The following MCPH1 variants were observed in gnomAD, a reference collection of about 807,000 sequenced individuals.
MCPH1 encodes microcephalin 1.
A neutral mutation model predicts 84.5 loss-of-function variants in MCPH1; 104 were observed. The ratio of observed to expected loss-of-function variants is 1.23; its 90% CI spans 1.05 to 1.45. MCPH1 has a LOEUF of 1.45. Among genes scored for constraint, MCPH1 ranks in the 40% most tolerant of loss-of-function variants. The pLI is 0.00. For missense variants in MCPH1, 1,498 were observed against 1,005.7 expected (o/e 1.49, Z -6.62); for synonymous variants, 514 against 366.8 (o/e 1.40, Z -4.58).
chr8:6,497,916 A>G (rs543248769), intron 11 of MCPH1, among the ~76,000 whole-genome samples: 14 of 152,350 alleles, frequency 9.2e-5, no homozygotes, highest in Admixed American at 4.6e-4. Context: ...TACCACAATA[A>G]ACTGAAGAAG....
intron 10 of MCPH1, among the ~76,000 whole-genome samples, chr8:6,479,177 G>T (rs899282137): frequency 6.6e-6 from 1 of 152,040 alleles, no homozygotes; most frequent in African/African-American, 2.4e-5. Flanking sequence ...TAAGGCAGGA[G>T]GATCACTTGA....
intron 2 of MCPH1, 103 bp downstream of exon 2, chr8:6,409,473 C>T (rs543519975): frequency 1.6e-5 from 15 of 914,264 alleles, no homozygotes; most frequent in Admixed American, 3.7e-5. Flanking sequence ...AGAATCTGGA[C>T]GAAGCAATGG....
Position 6,592,299 on chromosome 8 carries a change from G to A in MCPH1, c.2215-29155G>A, listed in dbSNP as rs775931546. Among the ~76,000 whole-genome samples the A allele has an allele frequency of 4.6e-5, 7 of 151,812 alleles. No homozygotes were observed. In the East Asian group the frequency reaches 5.8e-4, roughly 13 times the overall value. Reference sequence around the variant, plus strand: ...CCCAAGTAGCTGGGACTACACGTGCGTGCCACCACACCCGGCTAATTATTT... The same window carrying A: ...CCCAAGTAGCTGGGACTACACGTGCATGCCACCACACCCGGCTAATTATTT... On this transcript the variant is annotated intron_variant, in intron 12 of 13. Coordinates refer to ENST00000344683, the MANE Select transcript of MCPH1 (RefSeq NM_024596.5).
intron 1 of MCPH1, among the ~76,000 whole-genome samples, chr8:6,408,282 G>C (rs1335851331): frequency 6.6e-6 from 1 of 152,014 alleles, no homozygotes; most frequent in Admixed American, 6.5e-5. Flanking sequence ...AGGCTGGAGC[G>C]CAGTGATGTG....
intron 12 of MCPH1, chr8:6,618,562 T>C (rs563125262): frequency 6.6e-6 from 1 of 152,320 alleles, no homozygotes; most frequent in South Asian, 2.1e-4. Flanking sequence ...TGTGTGTGCA[T>C]TTTACAGGAT....
At chr8:6,499,681 A>C (rs572307509) in intron 11 of MCPH1, 171 bp from the exon 12 acceptor site, 501 of 602,076 alleles carry the variant, frequency 8.3e-4, no homozygotes, top group Non-Finnish European at 1.3e-3. Context: ...ATTAATATTC[A>C]TAACATTTAT....
chr8:6,521,305 ATTTTGC>A, intron 12 of MCPH1: 1 of 1,613,718 alleles, frequency 6.2e-7, no homozygotes, highest in Non-Finnish European at 8.5e-7. Context: ...CAATGATGGA[ATTTTGC>A]TTGGATACTA....
intron 12 of MCPH1, among the ~76,000 whole-genome samples, chr8:6,568,152 G>A (rs930102912): frequency 6.6e-6 from 1 of 152,084 alleles, no homozygotes; most frequent in Non-Finnish European, 1.5e-5. Flanking sequence ...AGCCCTTTTG[G>A]CTCAGTTTGC....
intron 12 of MCPH1, among the ~76,000 whole-genome samples, chr8:6,593,036 G>A (rs1315717785): frequency 6.7e-6 from 1 of 149,712 alleles, no homozygotes; most frequent in Admixed American, 6.7e-5. Context: ...CAGTCAAATT[G>A]CTGCTTCAAG....
At chr8:6,448,618 A>G (rs1804706476) in intron 8 of MCPH1, among the ~76,000 whole-genome samples, 1 of 152,198 alleles carries the variant, frequency 6.6e-6, no homozygotes, top group Non-Finnish European at 1.5e-5. Flanking sequence ...ATTTCCTTCC[A>G]CACATTTCTT....
intron 12 of MCPH1, among the ~76,000 whole-genome samples, chr8:6,609,570 T>A (rs766612239): frequency 6.6e-6 from 1 of 152,200 alleles, no homozygotes; most frequent in Non-Finnish European, 1.5e-5. Flanking sequence ...AAAAATACAT[T>A]CCGCCTTCCT....
chr8:6,592,623 G>C lies in MCPH1; in HGVS notation c.2215-28831G>C, dbSNP rs2922858. On this transcript the variant is annotated intron_variant, in intron 12 of 13. Transcript: ENST00000344683. The stretch of plus-strand genomic sequence containing the variant: ...GCTCTCGTTTTTCTTTCTTTTTTTT[G>C]TTTTTTTTTTTTTTTTTTTTGTTGC... Among the ~76,000 whole-genome samples the C allele has an allele frequency of 5.8e-3, 452 of 77,598 alleles. 13 individuals carry two copies. The Admixed American group carries it at 0.062, about 11-fold the overall frequency. The allele number at this position is 77,598 out of a possible 152,430, so 50.9% of individuals were successfully genotyped here.
intron 5 of MCPH1, among the ~76,000 whole-genome samples, chr8:6,437,567 C>A (rs555475441): frequency 6.6e-6 from 1 of 152,292 alleles, no homozygotes; most frequent in East Asian, 1.9e-4. Flanking sequence ...TGCGACAGAA[C>A]TGGGTAGAAC....
intron 3 of MCPH1, among the ~76,000 whole-genome samples, chr8:6,417,822 G>T (rs577708971): frequency 6.6e-5 from 10 of 152,088 alleles, no homozygotes; most frequent in South Asian, 2.1e-4. Flanking sequence ...TTCTTTGATA[G>T]TGTGTCACAT....
intron 10 of MCPH1, among the ~76,000 whole-genome samples, chr8:6,478,838 C>A (rs1041959212): frequency 6.6e-6 from 1 of 151,942 alleles, no homozygotes; most frequent in African/African-American, 2.4e-5. Flanking sequence ...GTGATGAGGC[C>A]CAGATCTTGA....
At chr8:6,420,418 G>C (rs1039048166) in intron 3 of MCPH1, among the ~76,000 whole-genome samples, 9 of 152,194 alleles carry the variant, frequency 5.9e-5, no homozygotes, top group Non-Finnish European at 1.2e-4. Context: ...GTTGGAATTT[G>C]ATTATTTTTC....
At position 6,513,774 on chromosome 8, in the gene MCPH1, C is replaced by T. The variant is rs772574634; in HGVS notation, c.2214+13845C>T. On this transcript the variant is annotated intron_variant, in intron 12 of 13. Transcript: ENST00000344683. ...TTTAAGGTGTATTTTAAGCACATAGCGTTGCTGATTAGTCAGTTGCGAAAC... is the reference window on the plus strand; with the variant it reads ...TTTAAGGTGTATTTTAAGCACATAGTGTTGCTGATTAGTCAGTTGCGAAAC... The T allele has an allele frequency of 1.7e-5, 27 of 1,613,900 alleles. No individual in the cohort carries two copies. The highest frequency in any genetic ancestry group is 7.7e-5 in the South Asian group (7 of 91,042).
intron 1 of MCPH1, among the ~76,000 whole-genome samples, chr8:6,408,020 G>T (rs1308331400): frequency 1.3e-5 from 2 of 152,152 alleles, no homozygotes; most frequent in African/African-American, 4.8e-5. Flanking sequence ...TTGAGTAGTT[G>T]TGGCAAATAC....
chr8:6,555,087 G>T (rs3020229), intron 12 of MCPH1, among the ~76,000 whole-genome samples: 19,500 of 151,928 alleles, frequency 0.13, 3,488 homozygotes, highest in African/African-American at 0.4. Context: ...GTTCATACTG[G>T]TATTCTAAAC....
Sources: gnomAD v4.1 joint callset for allele counts (sites outside exome capture counted in the v4.1 genomes callset) on GRCh38, gnomAD v4.1.1 for gene constraint, MANE v1.5 for transcripts, NCBI Gene and HGNC (gene_info 2026-07-23, HGNC 2026-07-21) for gene names.